Variants in CAB39 observed in about 807,000 individuals in gnomAD.
CAB39 encodes the protein calcium-binding protein 39.
CAB39 carries 8 observed loss-of-function variants against 40.0 expected under a neutral mutation model. The ratio of observed to expected loss-of-function variants is 0.20; its 90% CI spans 0.12 to 0.36. The LOEUF (loss-of-function observed/expected upper bound fraction) is 0.36, where lower values mean the gene tolerates loss of function less well. CAB39 is among the 10% of genes least tolerant of loss of function. The probability of loss-of-function intolerance (pLI) is 1.00; values close to 1 mark genes in which losing one functional copy is unlikely to be tolerated. For synonymous variants in CAB39, 156 were observed against 141.6 expected (o/e 1.10, Z -0.72); for missense variants, 270 against 401.1 (o/e 0.67, Z 2.79).
chr2:230,778,921 T>A (rs1353570839), intron 2 of CAB39: 3 of 152,142 alleles, frequency 2.0e-5, no homozygotes, highest in Non-Finnish European at 4.4e-5. Context: ...GGGACCACAG[T>A]TGTCTCTGTG....
intron 6 of CAB39, among the ~76,000 whole-genome samples, chr2:230,810,688 C>T (rs1339947981): frequency 6.6e-6 from 1 of 152,220 alleles, no homozygotes; most frequent in Non-Finnish European, 1.5e-5. Context: ...GAGGCAGCAG[C>T]TGATAGGATG....
intron 1 of CAB39, among the ~76,000 whole-genome samples, chr2:230,731,654 CT>C (rs1251479392): frequency 6.6e-6 from 1 of 152,158 alleles, no homozygotes; most frequent in Non-Finnish European, 1.5e-5. Flanking sequence ...AGACGAGCAC[CT>C]GCACACCTAA....
rs534580961 is a variant in CAB39 at position 230,773,361 on chromosome 2, C to A, written c.114+13246C>A. Among the ~76,000 whole-genome samples, 9 of 117,550 alleles carry A rather than the reference C, an allele frequency of 7.7e-5. No individual in the cohort carries two copies. The South Asian group carries it at 2.2e-3, about 29-fold the overall frequency. The allele number at this position is 117,550 out of a possible 152,430, so 77.1% of individuals were successfully genotyped here. On this transcript the variant is annotated intron_variant, in intron 2 of 8. Coordinates refer to ENST00000258418, the MANE Select transcript of CAB39 (RefSeq NM_016289.4). ...GTGTGTGTGTGTGTTACATTAGGTA[C>A]TTTAAATATGTGGAGTTCATTGTAT... is the stretch of plus-strand genomic sequence containing the variant.
intron 1 of CAB39, among the ~76,000 whole-genome samples, chr2:230,724,374 C>T (rs186744379): frequency 1.4e-3 from 210 of 152,002 alleles, no homozygotes; most frequent in African/African-American, 4.8e-3. Context: ...ATGTTAGCTG[C>T]TGATACATTG....
intron 2 of CAB39, among the ~76,000 whole-genome samples, chr2:230,775,234 C>T (rs1695564926): frequency 6.7e-6 from 1 of 149,990 alleles, no homozygotes; most frequent in Non-Finnish European, 1.5e-5. Context: ...TTCTTTTTTT[C>T]TTTTTTCTTT....
At chr2:230,729,244 T>C (rs759973042) in intron 1 of CAB39, among the ~76,000 whole-genome samples, 10 of 152,200 alleles carry the variant, frequency 6.6e-5, no homozygotes, top group Non-Finnish European at 1.3e-4. Flanking sequence ...AAGATAGCAG[T>C]GTTAAACAGT....
intron 2 of CAB39, among the ~76,000 whole-genome samples, chr2:230,783,930 A>G (rs1401987503): frequency 6.6e-6 from 1 of 152,216 alleles, no homozygotes; most frequent in African/African-American, 2.4e-5. Flanking sequence ...TTCATCAATA[A>G]TGTATGAAGC....
intron 6 of CAB39, among the ~76,000 whole-genome samples, chr2:230,810,769 A>G (rs1696290405): frequency 6.6e-6 from 1 of 152,242 alleles, no homozygotes; most frequent in Non-Finnish European, 1.5e-5. Flanking sequence ...CTTTGTGGCC[A>G]TGGCCAAGGC....
chr2:230,790,076 C>T (rs968762748), intron 2 of CAB39, among the ~76,000 whole-genome samples: 5 of 151,896 alleles, frequency 3.3e-5, no homozygotes, highest in Admixed American at 6.6e-5. Context: ...ATACAAAAAT[C>T]GGCCTGGCAT....
At chr2:230,773,575 G>A (rs1429983684) in intron 2 of CAB39, among the ~76,000 whole-genome samples, 1 of 152,058 alleles carries the variant, frequency 6.6e-6, no homozygotes, top group Non-Finnish European at 1.5e-5. Context: ...AGGATGTAGA[G>A]AAACTGCAGT....
intron 1 of CAB39, among the ~76,000 whole-genome samples, chr2:230,723,969 C>T (rs748799527): frequency 1.3e-5 from 2 of 152,156 alleles, no homozygotes; most frequent in South Asian, 2.1e-4. Flanking sequence ...GAGGGTCTGG[C>T]GTGGTGGCTC....
At position 230,795,515 on chromosome 2, in the gene CAB39, C is replaced by T. The variant is rs142689773; in HGVS notation, c.398+2184C>T. Reference sequence around the variant, plus strand: ...AGATCTGGCTTTTTTTTATTAGATTCGGATTCACTTTGAGGGGGGCAAAAG... The same window carrying T: ...AGATCTGGCTTTTTTTTATTAGATTTGGATTCACTTTGAGGGGGGCAAAAG... On this transcript the variant is annotated intron_variant, in intron 4 of 8. Coordinates refer to ENST00000258418, the MANE Select transcript of CAB39 (RefSeq NM_016289.4). 1.6e-4 allele frequency among the ~76,000 whole-genome samples: 24 copies of T among 152,078 alleles called. No individual in the cohort carries two copies. The East Asian group carries it at 3.1e-3, about 20-fold the overall frequency.
At chr2:230,789,826 C>T (rs1346397511) in intron 2 of CAB39, among the ~76,000 whole-genome samples, 1 of 152,208 alleles carries the variant, frequency 6.6e-6, no homozygotes, top group Non-Finnish European at 1.5e-5. Context: ...CTGGCTGGCT[C>T]CCCCGTCCTG....
intron 1 of CAB39, among the ~76,000 whole-genome samples, chr2:230,732,330 C>G (rs896445827): frequency 1.3e-5 from 2 of 152,180 alleles, no homozygotes; most frequent in Non-Finnish European, 2.9e-5. Flanking sequence ...GATCCACCCA[C>G]CTCGGCCTCC....
intron 4 of CAB39, among the ~76,000 whole-genome samples, chr2:230,794,864 C>T (rs373683109): frequency 2.6e-5 from 4 of 152,160 alleles, no homozygotes; most frequent in African/African-American, 9.7e-5. Flanking sequence ...ATCCCTAGTA[C>T]GCATTACAAA....
At chr2:230,726,876 C>T (rs1363274249) in intron 1 of CAB39, among the ~76,000 whole-genome samples, 1 of 146,476 alleles carries the variant, frequency 6.8e-6, no homozygotes, top group Non-Finnish European at 1.5e-5. Flanking sequence ...AGCTCCCGGA[C>T]TTTTTAAATA....
At chr2:230,796,506 CTG>C (rs1487748685) in intron 4 of CAB39, among the ~76,000 whole-genome samples, 1 of 152,186 alleles carries the variant, frequency 6.6e-6, no homozygotes, top group East Asian at 1.9e-4. Context: ...TTGTACCAAA[CTG>C]TCTTACCCTT....
intron 8 of CAB39, chr2:230,818,204 C>T (rs1696436809): frequency 2.2e-6 from 1 of 447,456 alleles, no homozygotes; most frequent in Admixed American, 4.1e-5. Context: ...TTCTTAAAAT[C>T]CCATCTGACC....
In CAB39 at chr2:230,736,989, G is replaced by A. The variant is rs573806038; in HGVS notation, c.-43-22970G>A. Among the ~76,000 whole-genome samples, 10 of 152,182 alleles carry A rather than the reference G, an allele frequency of 6.6e-5. No individual in the cohort carries two copies. In the East Asian group the frequency reaches 1.5e-3, roughly 23 times the overall value. ...CTGCTCTGGCTTTAACAGTTGGCTC[G>A]AATGGCAACCAACACTAATATCTGC... On this transcript the variant is annotated intron_variant, in intron 1 of 8. Coordinates refer to ENST00000258418, the MANE Select transcript of CAB39 (RefSeq NM_016289.4).
Sources: allele counts gnomAD v4.1 joint callset (sites outside exome capture counted in the v4.1 genomes callset), GRCh38; gene constraint gnomAD v4.1.1; transcripts MANE v1.5; gene names NCBI Gene and HGNC (gene_info 2026-07-23, HGNC 2026-07-21).